The following IL22RA2 variants were observed in gnomAD, a reference collection of about 807,000 sequenced individuals.
IL22RA2 encodes interleukin 22 receptor subunit alpha 2.
A neutral mutation model predicts 30.7 loss-of-function variants in IL22RA2; 39 were observed. The ratio of observed to expected loss-of-function variants is 1.27; its 90% confidence interval spans 0.98 to 1.66. The LOEUF (loss-of-function observed/expected upper bound fraction) is 1.66, where lower values mean the gene tolerates loss of function less well. Among genes scored for constraint, IL22RA2 ranks in the 40% most tolerant of loss-of-function variants. IL22RA2 has a pLI of 0.00. For synonymous variants in IL22RA2, 103 were observed against 105.0 expected (o/e 0.98, Z 0.11); for missense variants, 315 against 312.7 (o/e 1.01, Z -0.05).
At chr6:137,158,918 G>A (rs1778465271) in intron 2 of IL22RA2, among the ~76,000 whole-genome samples, 1 of 152,144 alleles carries the variant, frequency 6.6e-6, no homozygotes, top group Non-Finnish European at 1.5e-5. Context: ...CAGGACCTCA[G>A]CCCAGCACTC....
intron 1 of IL22RA2, among the ~76,000 whole-genome samples, chr6:137,166,464 C>T (rs981290370): frequency 6.6e-6 from 1 of 152,174 alleles, no homozygotes; most frequent in African/African-American, 2.4e-5. Flanking sequence ...AGCAGTCATC[C>T]ATTGCAAAGG....
intron 5 of IL22RA2, among the ~76,000 whole-genome samples, chr6:137,149,754 T>C (rs1778251287): frequency 6.6e-6 from 1 of 152,228 alleles, no homozygotes; most frequent in African/African-American, 2.4e-5. Context: ...CTTAAAAAAT[T>C]CTTGTACCTG....
At chr6:137,149,973 C>A (rs983168572) in intron 5 of IL22RA2, among the ~76,000 whole-genome samples, 14 of 152,328 alleles carry the variant, frequency 9.2e-5, no homozygotes, top group Admixed American at 4.6e-4. Context: ...AGCCAACACA[C>A]CTGGCCTTCA....
At chr6:137,149,344 T>C (rs1186360997) in intron 5 of IL22RA2, among the ~76,000 whole-genome samples, 1 of 152,182 alleles carries the variant, frequency 6.6e-6, no homozygotes, top group African/African-American at 2.4e-5. Flanking sequence ...CATATTAAGC[T>C]TAACATATTC....
chr6:137,154,357 A>G (rs1282533181), intron 5 of IL22RA2, among the ~76,000 whole-genome samples: 1 of 152,174 alleles, frequency 6.6e-6, no homozygotes, highest in East Asian at 1.9e-4. Flanking sequence ...GCTCACACCC[A>G]TAATCCCAGC....
At chr6:137,155,170 G>T (rs1226100180) in intron 4 of IL22RA2, 51 bp from the exon 5 acceptor site, 1 of 1,359,116 alleles carries the variant, frequency 7.4e-7, no homozygotes, top group Non-Finnish European at 1.0e-6. Context: ...CACTCAAGGA[G>T]TCTTCAGTAT....
intron 1 of IL22RA2, among the ~76,000 whole-genome samples, chr6:137,165,721 A>G (rs772190040): frequency 5.3e-5 from 8 of 152,220 alleles, no homozygotes; most frequent in Non-Finnish European, 1.0e-4. Flanking sequence ...GATTTCCTCC[A>G]GAAATTGCAA....
chr6:137,147,222 A>C, intron 6 of IL22RA2, among the ~76,000 whole-genome samples: 1 of 139,394 alleles, frequency 7.2e-6, no homozygotes, highest in African/African-American at 2.6e-5. Context: ...AAAAAGCTGG[A>C]TGTGATGGGC....
At chr6:137,157,530 G>A (rs1165615794) in intron 3 of IL22RA2, among the ~76,000 whole-genome samples, 1 of 152,134 alleles carries the variant, frequency 6.6e-6, no homozygotes, top group Non-Finnish European at 1.5e-5. Flanking sequence ...CCCCATGCTG[G>A]AGAGACATGG....
At chr6:137,145,821 G>A (rs769024488) in intron 6 of IL22RA2, 48 bp from the exon 7 acceptor site, 14 of 1,602,958 alleles carry the variant, frequency 8.7e-6, no homozygotes, top group Non-Finnish European at 1.2e-5. Flanking sequence ...CTGCCATTAA[G>A]TCACAGCTGC....
intron 2 of IL22RA2, among the ~76,000 whole-genome samples, chr6:137,159,824 C>G (rs1006730815): frequency 6.6e-6 from 1 of 152,176 alleles, no homozygotes; most frequent in African/African-American, 2.4e-5. Context: ...CAAGTCTTTG[C>G]TCAAATGTAT....
chr6:137,163,970 C>T (rs866791670), intron 1 of IL22RA2, among the ~76,000 whole-genome samples: 1 of 152,148 alleles, frequency 6.6e-6, no homozygotes, highest in African/African-American at 2.4e-5. Flanking sequence ...AGCTCCACAG[C>T]TGCAGCTAGC....
At chr6:137,148,072 C>CA (rs1778216041) in intron 5 of IL22RA2, among the ~76,000 whole-genome samples, 181 bp from the exon 6 acceptor site, 1 of 151,714 alleles carries the variant, frequency 6.6e-6, no homozygotes, top group Non-Finnish European at 1.5e-5. Context: ...AAACCCATGT[C>CA]AAAAAACAAA....
chr6:137,157,864 C>T (rs1037555251), intron 3 of IL22RA2, among the ~76,000 whole-genome samples: 5 of 152,126 alleles, frequency 3.3e-5, no homozygotes, highest in Non-Finnish European at 5.9e-5. Flanking sequence ...TTCATGCTTA[C>T]GAGAGTCATT....
chr6:137,166,002 C>T lies in IL22RA2; in HGVS notation c.-65-4188G>A, dbSNP rs115636109. Among the ~76,000 whole-genome samples, 287 of 152,256 alleles carry T rather than the reference C, an allele frequency of 1.9e-3. 3 individuals carry two copies. Among genetic ancestry groups the T allele is most frequent in the African/African-American group, 6.6e-3 (275 of 41,540 alleles). The stretch of plus-strand genomic sequence containing the variant: ...GCCACACTGCTGCTGATAGAATGGG[C>T]GGAGCATGGAAAGCCCCCATTGTGT... On this transcript the variant is annotated intron_variant, in intron 1 of 6. Transcript: ENST00000296980.
chr6:137,148,357 C>A (rs567347492), intron 5 of IL22RA2, among the ~76,000 whole-genome samples: 8 of 152,136 alleles, frequency 5.3e-5, no homozygotes, highest in African/African-American at 7.2e-5. Context: ...ATTACAGGTG[C>A]ATGCCACCAC....
intron 6 of IL22RA2, 130 bp from the exon 7 acceptor site, chr6:137,145,903 A>T: frequency 1.1e-6 from 1 of 948,734 alleles, no homozygotes; most frequent in Non-Finnish European, 1.6e-6. Context: ...TCCCAGACAC[A>T]TCCTTCTTTT....
intron 1 of IL22RA2, among the ~76,000 whole-genome samples, chr6:137,164,714 C>A (rs28741412): frequency 2.0e-5 from 3 of 152,212 alleles, no homozygotes; most frequent in Non-Finnish European, 4.4e-5. Flanking sequence ...GTGATGAGGT[C>A]GGCCGCCTTA....
At chr6:137,147,429 G>T (rs757708456) in intron 6 of IL22RA2, among the ~76,000 whole-genome samples, 1 of 151,316 alleles carries the variant, frequency 6.6e-6, no homozygotes, top group Admixed American at 6.6e-5. Context: ...TGCAAAGCCC[G>T]TAAAAATGAA....
Sources: allele counts gnomAD v4.1 joint callset (sites outside exome capture counted in the v4.1 genomes callset), GRCh38; gene constraint gnomAD v4.1.1; transcripts MANE v1.5; gene names NCBI Gene and HGNC (gene_info 2026-07-23, HGNC 2026-07-21).